Variants in EPB41L2 observed in about 807,000 individuals in gnomAD.
EPB41L2 encodes the protein erythrocyte membrane protein band 4.1 like 2.
In EPB41L2, 43 loss-of-function variants were observed where a neutral mutation model predicts 113.0. The observed-to-expected ratio is 0.38, with a 90% confidence interval of 0.30 to 0.49. EPB41L2 has a LOEUF of 0.49. Among genes scored for constraint, EPB41L2 ranks in the 20% least tolerant of loss-of-function variants. The pLI is 0.95. For synonymous variants in EPB41L2, 442 were observed against 436.7 expected (o/e 1.01, Z -0.15); for missense variants, 1,147 against 1,223.4 (o/e 0.94, Z 0.93).
chr6:130,964,769 G>A (rs1313905146), intron 1 of EPB41L2, among the ~76,000 whole-genome samples: 1 of 152,054 alleles, frequency 6.6e-6, no homozygotes, highest in Non-Finnish European at 1.5e-5. Flanking sequence ...GCAGCAACTC[G>A]AACCTTCTCA....
chr6:130,931,749 C>T (rs1806953213), intron 3 of EPB41L2, among the ~76,000 whole-genome samples: 1 of 152,040 alleles, frequency 6.6e-6, no homozygotes, highest in Non-Finnish European at 1.5e-5. Flanking sequence ...TGTACAGGGG[C>T]ATGTAAGTTG....
intron 1 of EPB41L2, among the ~76,000 whole-genome samples, chr6:131,061,076 T>C (rs755530391): frequency 2.0e-5 from 3 of 152,042 alleles, no homozygotes; most frequent in Non-Finnish European, 4.4e-5. Flanking sequence ...CTTTCGAAGG[T>C]TTTTGCAAAA....
intron 18 of EPB41L2, among the ~76,000 whole-genome samples, chr6:130,861,232 C>T (rs1350692032): frequency 6.6e-6 from 1 of 151,876 alleles, no homozygotes; most frequent in Non-Finnish European, 1.5e-5. Context: ...GCCACTACAC[C>T]CGGCTAATTT....
intron 9 of EPB41L2, 102 bp downstream of exon 9, chr6:130,894,865 G>A: frequency 8.1e-7 from 1 of 1,239,872 alleles, no homozygotes; most frequent in Non-Finnish European, 1.1e-6. Flanking sequence ...AGAATAAATA[G>A]TTTATTTTCT....
chr6:130,906,306 A>G (rs1797705593), intron 5 of EPB41L2, among the ~76,000 whole-genome samples: 1 of 151,578 alleles, frequency 6.6e-6, no homozygotes, highest in Non-Finnish European at 1.5e-5. Flanking sequence ...AAATGTACCA[A>G]TAATGCTAAG....
intron 4 of EPB41L2, among the ~76,000 whole-genome samples, chr6:130,924,278 A>G (rs1334544847): frequency 6.6e-6 from 1 of 152,212 alleles, no homozygotes; most frequent in East Asian, 1.9e-4. Context: ...CTTGGCTGTT[A>G]TGAATAATGC....
intron 1 of EPB41L2, among the ~76,000 whole-genome samples, chr6:131,046,976 T>A (rs1432748377): frequency 6.6e-6 from 1 of 152,122 alleles, no homozygotes; most frequent in African/African-American, 2.4e-5. Context: ...TTCTTAGGGA[T>A]AATATAAGAC....
chr6:130,984,405 T>C (rs749131179), intron 1 of EPB41L2, among the ~76,000 whole-genome samples: 13 of 152,238 alleles, frequency 8.5e-5, no homozygotes, highest in African/African-American at 2.9e-4. Flanking sequence ...CTTTATGTGA[T>C]TGGCTGTACA....
chr6:130,936,936 A>T lies in EPB41L2; in HGVS notation c.706-10227T>A, dbSNP rs985378855. ...GCCGGCATCAGACCCGCTGAATTAGAATCTACAAAAGAAGAACCTGGGCAT... is the reference window on the plus strand; with the variant it reads ...GCCGGCATCAGACCCGCTGAATTAGTATCTACAAAAGAAGAACCTGGGCAT... On this transcript the variant is annotated intron_variant, in intron 3 of 19. Transcript: ENST00000337057. Among the ~76,000 whole-genome samples the T allele has an allele frequency of 2.0e-5, 3 of 152,370 alleles. No individual in the cohort carries two copies. In the East Asian group the frequency reaches 5.8e-4, roughly 29 times the overall value.
intron 1 of EPB41L2, among the ~76,000 whole-genome samples, chr6:131,049,384 C>G (rs1796106509): frequency 6.6e-6 from 1 of 152,202 alleles, no homozygotes; most frequent in Non-Finnish European, 1.5e-5. Context: ...ACTTGACATT[C>G]TGACCTTTCC....
intron 1 of EPB41L2, among the ~76,000 whole-genome samples, chr6:130,961,763 A>T (rs1773619262): frequency 6.6e-6 from 1 of 152,186 alleles, no homozygotes; most frequent in Non-Finnish European, 1.5e-5. Flanking sequence ...TGAGATCACA[A>T]GCAATATGAG....
intron 3 of EPB41L2, among the ~76,000 whole-genome samples, chr6:130,951,473 C>A (rs1467676708): frequency 6.6e-6 from 1 of 151,422 alleles, no homozygotes; most frequent in Non-Finnish European, 1.5e-5. Flanking sequence ...TATAGGCACT[C>A]ACCACCACGC....
At chr6:131,056,391 C>T (rs1011497899) in intron 1 of EPB41L2, among the ~76,000 whole-genome samples, 5 of 152,210 alleles carry the variant, frequency 3.3e-5, no homozygotes, top group Non-Finnish European at 7.3e-5. Flanking sequence ...TAGATCCCAA[C>T]TGTTTTCCCA....
chr6:131,021,582 A>T (rs1254818501), intron 1 of EPB41L2, among the ~76,000 whole-genome samples: 3 of 151,970 alleles, frequency 2.0e-5, no homozygotes, highest in Non-Finnish European at 4.4e-5. Context: ...AATCCCTTGA[A>T]CCCGGGAGGC....
intron 1 of EPB41L2, among the ~76,000 whole-genome samples, chr6:130,961,310 TA>T (rs1470036871): frequency 9.8e-5 from 15 of 152,336 alleles, no homozygotes; most frequent in Non-Finnish European, 1.8e-4. Flanking sequence ...TCTGGGTTGA[TA>T]AAAGTGTTCG....
chr6:130,985,849 A>G (rs1356058484), intron 1 of EPB41L2, among the ~76,000 whole-genome samples: 1 of 152,214 alleles, frequency 6.6e-6, no homozygotes, highest in Non-Finnish European at 1.5e-5. Flanking sequence ...TTGGAGATAT[A>G]CAAGTCACCC....
chr6:130,909,712 G>A (rs528329324), intron 4 of EPB41L2, among the ~76,000 whole-genome samples: 13 of 152,012 alleles, frequency 8.6e-5, no homozygotes, highest in Non-Finnish European at 1.3e-4. Flanking sequence ...ATCAATGTGC[G>A]AAAATCACAA....
chr6:131,008,341 G>A (rs201144566), intron 1 of EPB41L2, among the ~76,000 whole-genome samples: 54 of 152,400 alleles, frequency 3.5e-4, no homozygotes, highest in African/African-American at 9.9e-4. Flanking sequence ...GCGCGCAGAA[G>A]TTAAAAATTG....
chr6:131,007,464 C>T (rs547919438), intron 1 of EPB41L2, among the ~76,000 whole-genome samples: 34 of 152,122 alleles, frequency 2.2e-4, no homozygotes, highest in Non-Finnish European at 2.9e-4. Flanking sequence ...AAATTGGTAC[C>T]GGGAGTGGGG....
Sources: gnomAD v4.1 joint callset for allele counts (sites outside exome capture counted in the v4.1 genomes callset) on GRCh38, gnomAD v4.1.1 for gene constraint, MANE v1.5 for transcripts, NCBI Gene and HGNC (gene_info 2026-07-23, HGNC 2026-07-21) for gene names.